The following ALDH16A1 variants were observed in gnomAD, a reference collection of about 807,000 sequenced individuals.
ALDH16A1 encodes aldehyde dehydrogenase family 16 member A1.
Under a neutral mutation model 96.1 loss-of-function variants are expected in ALDH16A1, and 88 were observed. The ratio of observed to expected loss-of-function variants is 0.92; its 90% CI spans 0.77 to 1.09. The LOEUF (loss-of-function observed/expected upper bound fraction) is 1.09. ALDH16A1 is among the 50% of genes least tolerant of loss of function. The pLI, the probability that ALDH16A1 is intolerant of heterozygous loss-of-function variation, is 0.00. For missense variants in ALDH16A1, 1,250 were observed against 1,112.6 expected, an observed-to-expected ratio of 1.12 and a Z score of -1.76; for synonymous variants, 522 against 496.4, an observed-to-expected ratio of 1.05 and a Z score of -0.69.
At chr19:49,462,476 T>C (rs2079158548) in intron 7 of ALDH16A1, 94 bp from the exon 8 acceptor site, 4 of 1,416,218 alleles carry the variant, frequency 2.8e-6, no homozygotes, top group South Asian at 1.3e-5. Context: ...TGAGTGTCCA[T>C]GTCCCTAGTT....
intron 16 of ALDH16A1, 118 bp from the exon 17 acceptor site, chr19:49,470,188 C>A: frequency 8.0e-7 from 1 of 1,254,532 alleles, no homozygotes; most frequent in South Asian, 1.4e-5. Context: ...GGCATTGTAG[C>A]TGCAGAGCCT....
In ALDH16A1 at chr19:49,458,597, T is replaced by C. The variant is rs368281983; in HGVS notation, c.193+9T>C. The C allele has an allele frequency of 3.1e-4, 486 of 1,554,042 alleles. No homozygotes were observed. The highest frequency in any genetic ancestry group is 4.2e-4 in the Non-Finnish European group (477 of 1,147,548). On this transcript the variant is annotated intron_variant, in intron 2 of 16. Transcript: ENST00000293350. ...CCAGGATCCCATCACAGGTACGAGA[T>C]GTCCCCCAGTCATTAGTGGAAGGGA...
At chr19:49,467,213 G>C (rs2079206110) in intron 14 of ALDH16A1, among the ~76,000 whole-genome samples, 1 of 152,104 alleles carries the variant, frequency 6.6e-6, no homozygotes, top group Non-Finnish European at 1.5e-5. Context: ...AGAGACAAGA[G>C]ACTCGCCATG....
intron 16 of ALDH16A1, 74 bp downstream of exon 16, chr19:49,469,060 C>T: frequency 2.6e-6 from 4 of 1,535,560 alleles, no homozygotes; most frequent in South Asian, 1.2e-5. Flanking sequence ...GGAAACACAG[C>T]CCCGCCCTCT....
chr19:49,459,945 T>C lies in ALDH16A1; in HGVS notation c.499+97T>C. The C allele has an allele frequency of 3.5e-6, 5 of 1,416,290 alleles. No individual in the cohort carries two copies. The highest frequency in any genetic ancestry group is 4.7e-6 in the Non-Finnish European group (5 of 1,064,016). The allele number at this position is 1,416,290 out of a possible 1,614,324, so 87.7% of individuals were successfully genotyped here. A position where few individuals can be genotyped will look rare whatever the true frequency, so the allele number is the denominator to read the frequency against. Reference sequence around the variant, plus strand: ...TTTTCTTTTAGACAGAGTTTCGCTCTTGTCGCCCAGGCCGGAGTGCAGTGG... The same window carrying C: ...TTTTCTTTTAGACAGAGTTTCGCTCCTGTCGCCCAGGCCGGAGTGCAGTGG... On this transcript the variant is annotated intron_variant, in intron 4 of 16. Coordinates refer to ENST00000293350, the MANE Select transcript of ALDH16A1 (RefSeq NM_153329.4). The surrounding 1 kb of genome is among the most constrained non-coding windows in gnomAD (Gnocchi z 4.1).
Position 49,464,776 on chromosome 19 carries a change from G to A in ALDH16A1, c.1568+14G>A, listed in dbSNP as rs868744182. Reference sequence around the variant, plus strand: ...AATAGGGCCCAGGTGAGTCGTTGGGGGCCAGTGGTCTGGGAGTGTGAACGG... The same window carrying A: ...AATAGGGCCCAGGTGAGTCGTTGGGAGCCAGTGGTCTGGGAGTGTGAACGG... On this transcript the variant is annotated intron_variant, in intron 12 of 16. Transcript: ENST00000293350. The A allele has an allele frequency of 1.2e-6, 2 of 1,613,648 alleles. No homozygotes were observed. Among genetic ancestry groups the A allele is most frequent in the African/African-American group, 2.7e-5 (2 of 75,056 alleles).
At position 49,470,520 on chromosome 19, in the gene ALDH16A1, A is replaced by G. The variant is rs1475220749; in HGVS notation, c.*53A>G. ...GACACCTCACACCAAGGGGAGATGCACCCCACAGACACCTGGGACTTTCCC... is the reference window on the plus strand; with the variant it reads ...GACACCTCACACCAAGGGGAGATGCGCCCCACAGACACCTGGGACTTTCCC... On this transcript the variant is annotated 3_prime_UTR_variant, in exon 17 of 17. Transcript: ENST00000293350. 6.9e-7 allele frequency: 1 copy of G among 1,445,364 alleles called. No homozygotes were observed. Among genetic ancestry groups the G allele is most frequent in the Non-Finnish European group, 9.1e-7 (1 of 1,097,796 alleles). The allele number at this position is 1,445,364 out of a possible 1,614,324, so 89.5% of individuals were successfully genotyped here. A position where few individuals can be genotyped will look rare whatever the true frequency, so the allele number is the denominator to read the frequency against.
chr19:49,460,687 T>G (rs1208457602), intron 4 of ALDH16A1, 135 bp from the exon 5 acceptor site: 1 of 734,142 alleles, frequency 1.4e-6, no homozygotes, highest in Non-Finnish European at 2.3e-6. Context: ...GTGCTGAGAT[T>G]ACAGGCGTGA....
In ALDH16A1 at chr19:49,470,481, C is replaced by G; in HGVS notation, c.*14C>G. 6.5e-7 allele frequency: 1 copy of G among 1,538,914 alleles called. No homozygotes were observed. Among genetic ancestry groups the G allele is most frequent in the Admixed American group, 2.1e-5 (1 of 46,622 alleles). On this transcript the variant is annotated 3_prime_UTR_variant, in exon 17 of 17. Transcript: ENST00000293350. ...ATGGGGGACTGATGCCTGAGCGCCA[C>G]CTACTGCATTTTGGACACCTCACAC...
chr19:49,457,461 T>A (rs1264843835), intron 1 of ALDH16A1, among the ~76,000 whole-genome samples: 1 of 149,068 alleles, frequency 6.7e-6, no homozygotes, highest in African/African-American at 2.5e-5. Flanking sequence ...GGCAGGAGAA[T>A]GGCGTGAATC....
intron 14 of ALDH16A1, among the ~76,000 whole-genome samples, chr19:49,467,451 G>A (rs1473850403): frequency 6.7e-6 from 1 of 149,038 alleles, no homozygotes. Context: ...CTGGAGTGCA[G>A]TGGCGCAATC....
chr19:49,461,689 G>T lies in ALDH16A1; in HGVS notation c.648G>T (p.Glu216Asp). ...TCCTCCTGGCCCAGCTGGCGGGGGA[G>T]CTGGGCCCCTTCCCGGGAATCCTGA... ...APLLLAQLAG[E>D]LGPFPGILNV... Residue 216 changes from glutamate (E) to aspartate (D), a missense_variant, in exon 6 of 17, where the codon GAG becomes GAT. Physicochemically the swap from Glu to Asp is conservative, Grantham distance 45. Coordinates refer to ENST00000293350, the MANE Select transcript of ALDH16A1 (RefSeq NM_153329.4). The T allele has an allele frequency of 6.2e-7, 1 of 1,608,094 alleles. No individual in the cohort carries two copies. Among genetic ancestry groups the T allele is most frequent in the South Asian group, 1.1e-5 (1 of 90,288 alleles).
intron 11 of ALDH16A1, 45 bp downstream of exon 11, chr19:49,464,567 GCCCTTGACACTC>G: frequency 1.2e-6 from 2 of 1,613,120 alleles, no homozygotes; most frequent in Non-Finnish European, 8.5e-7. Context: ...GCCGCCCCAT[GCCCTTGACACTC>G]GCATCCGGCC....
rs758390501 is a variant in ALDH16A1, at chr19:49,470,353, G to C, written c.2295G>C (p.Val765=). The stretch of plus-strand genomic sequence containing the variant: ...CCTCGGCAGGAAACCTCAAACCGGT[G>C]TGGGCGAGCAGGGGCTGCCCGCGGG... ...EWASAGNLKP[V]WASRGCPRAW... Residue 765 remains valine (V), a synonymous_variant, in exon 17 of 17, where the codon GTG becomes GTC. Coordinates refer to ENST00000293350, the MANE Select transcript of ALDH16A1 (RefSeq NM_153329.4). 1.9e-6 allele frequency: 3 copies of C among 1,613,366 alleles called. No homozygotes were observed. The highest frequency in any genetic ancestry group is 1.7e-6 in the Non-Finnish European group (2 of 1,179,846).
In ALDH16A1 at chr19:49,462,050, GCTCCCGT is replaced by G; in HGVS notation, c.912+19_912+25del. ...GACCGCGGCCCGGTGAGACCCGTGC[GCTCCCGT>G]CTCCTCATACCCTGGAGGCCGTTGG... On this transcript the variant is annotated intron_variant, in intron 7 of 16. Coordinates refer to ENST00000293350, the MANE Select transcript of ALDH16A1 (RefSeq NM_153329.4). 1 of 1,536,238 alleles carries G rather than the reference GCTCCCGT, an allele frequency of 6.5e-7. No individual in the cohort carries two copies. The highest frequency in any genetic ancestry group is 8.7e-7 in the Non-Finnish European group (1 of 1,146,290).
chr19:49,458,491 G>A lies in ALDH16A1; in HGVS notation c.96G>A (p.Trp32Ter). The change falls in exon 2 of 17, where the codon TGG becomes TGA. Residue 32 changes from tryptophan (W) to a stop codon, truncating the protein, a stop_gained. Transcript: ENST00000293350. LOFTEE classifies it high-confidence loss of function. ...VPESHACALA[W>*]LDTQDRCLGH... ...ACTGTCTCTACCTCCCCCAGGCCTG[G>A]CTGGACACCCAGGACCGGTGCTTGG... 6.4e-7 allele frequency: 1 copy of A among 1,560,278 alleles called. No individual in the cohort carries two copies. The highest frequency in any genetic ancestry group is 1.2e-5 in the South Asian group (1 of 84,862).
Position 49,466,137 on chromosome 19 carries a change from G to A in ALDH16A1, c.1792G>A (p.Ala598Thr), listed in dbSNP as rs867604944. The A allele has an allele frequency of 2.6e-6, 4 of 1,556,636 alleles. No homozygotes were observed. Among genetic ancestry groups the A allele is most frequent in the Non-Finnish European group, 3.5e-6 (4 of 1,153,396 alleles). Residue 598 changes from alanine (A) to threonine (T), a missense_variant, in exon 14 of 17, where the codon GCA (alanine) becomes ACA (threonine). Coordinates refer to ENST00000293350, the MANE Select transcript of ALDH16A1 (RefSeq NM_153329.4). ...AGCCCTGCTGTGGGCCCTGGCGGCT[G>A]CACTGGAGCGCCGGAAGTCTACCCT... Reference protein sequence around the residue: ...RAALLWALAAALERRKSTLAS... With the variant: ...RAALLWALAATLERRKSTLAS...
At position 49,459,936 on chromosome 19, in the gene ALDH16A1, G is replaced by A; in HGVS notation, c.499+88G>A. ...CCTCATTCTTTTTCTTTTAGACAGA[G>A]TTTCGCTCTTGTCGCCCAGGCCGGA... On this transcript the variant is annotated intron_variant, in intron 4 of 16. Transcript: ENST00000293350. This position sits in a 1 kb window ranked among gnomAD's most constrained non-coding sequence, Gnocchi z 4.1. The A allele has an allele frequency of 6.9e-7, 1 of 1,451,736 alleles. No individual in the cohort carries two copies. The highest frequency in any genetic ancestry group is 1.8e-4 in the Middle Eastern group (1 of 5,668). 89.9% of individuals were successfully genotyped at this position (1,451,736 alleles called of 1,614,324 possible).
chr19:49,464,011 C>T (rs546433908), intron 9 of ALDH16A1, 62 bp downstream of exon 9: 2 of 1,579,476 alleles, frequency 1.3e-6, no homozygotes, highest in South Asian at 2.3e-5. Flanking sequence ...AGCTCTGTGC[C>T]TGGGGAAGCC....
Sources: gnomAD v4.1 joint callset for allele counts (sites outside exome capture counted in the v4.1 genomes callset) on GRCh38, gnomAD v4.1.1 for gene constraint, Gnocchi (gnomAD v3.1) non-coding constraint, MANE v1.5 for transcripts, NCBI Gene and HGNC (gene_info 2026-07-23, HGNC 2026-07-21) for gene names.